Variants in ASCC1 observed in about 807,000 individuals in gnomAD.
ASCC1 encodes the protein activating signal cointegrator 1 complex subunit 1.
ASCC1 carries 35 observed loss-of-function variants against 46.6 expected under a neutral mutation model. The observed-to-expected ratio is 0.75, with a 90% CI of 0.57 to 0.99. ASCC1 has a LOEUF of 0.99. ASCC1 is among the 50% of genes least tolerant of loss of function. ASCC1 has a pLI of 0.00. For synonymous variants in ASCC1, 143 were observed against 146.6 expected (o/e 0.98, Z 0.18); for missense variants, 376 against 428.7 (o/e 0.88, Z 1.09).
intron 4 of ASCC1, among the ~76,000 whole-genome samples, chr10:72,201,607 G>A (rs964975893): frequency 2.0e-5 from 3 of 152,050 alleles, no homozygotes; most frequent in African/African-American, 7.2e-5. Context: ...TATTGCTTGA[G>A]CCCAGGAGTT....
At chr10:72,212,811 G>A (rs1393938304) in intron 2 of ASCC1, among the ~76,000 whole-genome samples, 1 of 151,980 alleles carries the variant, frequency 6.6e-6, no homozygotes, top group African/African-American at 2.4e-5. Flanking sequence ...TCACATTACT[G>A]CATTCCAGCC....
intron 9 of ASCC1, chr10:72,102,423 G>C (rs1399921591): frequency 6.5e-7 from 1 of 1,547,484 alleles, no homozygotes; most frequent in South Asian, 1.2e-5. Context: ...CTGTAGCACA[G>C]TTAAGTGGAA....
chr10:72,204,964 T>C (rs1473900128), intron 3 of ASCC1, among the ~76,000 whole-genome samples: 1 of 152,208 alleles, frequency 6.6e-6, no homozygotes, highest in African/African-American at 2.4e-5. Context: ...TTCAGCACCT[T>C]AGAAAGCAAA....
chr10:72,149,413 G>A (rs1848042274), intron 7 of ASCC1, among the ~76,000 whole-genome samples: 1 of 136,110 alleles, frequency 7.3e-6, no homozygotes, highest in Non-Finnish European at 1.5e-5. Flanking sequence ...ACTCCCGCCT[G>A]GGCGACAGAG....
At chr10:72,194,173 T>C (rs2133230617) in intron 5 of ASCC1, among the ~76,000 whole-genome samples, 1 of 152,078 alleles carries the variant, frequency 6.6e-6, no homozygotes, top group East Asian at 1.9e-4. Flanking sequence ...CATGAGCCCC[T>C]GCACCTGGCC....
rs373996027 is a variant in ASCC1 at position 72,146,720 on chromosome 10, ACT to A, written c.746+6147_746+6148del. Among the ~76,000 whole-genome samples, 1,335 of 152,228 alleles carry A rather than the reference ACT, an allele frequency of 8.8e-3. 15 individuals are homozygous for A. Among genetic ancestry groups the A allele is most frequent in the African/African-American group, 0.03 (1,266 of 41,528 alleles). ...AACCGAGGATGCATTAGTAAGTGTA[ACT>A]CTACTGTCCCAGCTCTCTGTTTCCA... On this transcript the variant is annotated intron_variant, in intron 7 of 9. Coordinates refer to ENST00000672957, the MANE Select transcript of ASCC1 (RefSeq NM_001198800.3).
intron 3 of ASCC1, among the ~76,000 whole-genome samples, chr10:72,208,035 A>C (rs1857468698): frequency 6.6e-6 from 1 of 151,870 alleles, no homozygotes; most frequent in Non-Finnish European, 1.5e-5. Context: ...CATGTTGCCC[A>C]AGCTGGGTGG....
intron 5 of ASCC1, among the ~76,000 whole-genome samples, chr10:72,171,697 G>A (rs965364616): frequency 5.9e-5 from 9 of 152,136 alleles, no homozygotes; most frequent in Non-Finnish European, 1.2e-4. Context: ...GATTACATGC[G>A]TGAGCCACCG....
chr10:72,204,409 T>G, intron 3 of ASCC1: 2 of 1,550,354 alleles, frequency 1.3e-6, no homozygotes, highest in Non-Finnish European at 1.7e-6. Flanking sequence ...ATTGACTCAT[T>G]TACATTACTT....
In ASCC1 at chr10:72,128,168, C is replaced by G. The variant is rs767094468; in HGVS notation, c.872-1G>C. On this transcript the variant is annotated splice_acceptor_variant, in intron 8 of 9. Coordinates refer to ENST00000672957, the MANE Select transcript of ASCC1 (RefSeq NM_001198800.3). LOFTEE classifies it high-confidence loss of function. ...GTGTAGAGATTGTACCTGCCTTCAG[C>G]TGTAAATATTCCAAAGATAATGTTA... The G allele has an allele frequency of 2.5e-6, 4 of 1,609,944 alleles. No individual in the cohort carries two copies. The highest frequency in any genetic ancestry group is 2.6e-6 in the Non-Finnish European group (3 of 1,176,382).
Position 72,196,897 on chromosome 10 carries a change from G to A in ASCC1, c.403C>T (p.His135Tyr). The change falls in exon 5 of 10, where the codon CAC (histidine) becomes TAC (tyrosine). Residue 135 changes from histidine (H) to tyrosine (Y), a missense_variant. By Grantham distance (83) the His-to-Tyr change is moderately conservative. Transcript: ENST00000672957. ...TCATTGAGGAAAAAGGCAAGGAAGT[G>A]AGTGAAGGGCTGCTTTCTTCGAAAA... ...DTFRRKQPFTHFLAFFLNEVE... is the reference protein window; with the variant it reads ...DTFRRKQPFTYFLAFFLNEVE... 1 of 1,613,604 alleles carries A rather than the reference G, an allele frequency of 6.2e-7. No individual in the cohort carries two copies.
At position 72,097,355 on chromosome 10, in the gene ASCC1, A is replaced by T; in HGVS notation, c.1053T>A (p.Cys351Ter). The T allele has an allele frequency of 6.2e-7, 1 of 1,612,788 alleles. No individual in the cohort carries two copies. Among genetic ancestry groups the T allele is most frequent in the Admixed American group, 1.7e-5 (1 of 60,024 alleles). Residue 351 changes from cysteine (C) to a stop codon, truncating the protein, a stop_gained, in exon 10 of 10, where the codon TGT becomes TGA. Transcript: ENST00000672957. LOFTEE classifies it high-confidence loss of function. ...CACCTCAGGAGAAGTCAATTTGTCCACAGGAAGCGTAGTTTCCAAAGCTGT... is the reference window on the plus strand; with the variant it reads ...CACCTCAGGAGAAGTCAATTTGTCCTCAGGAAGCGTAGTTTCCAAAGCTGT... ...TVDSFGNYAS[C>*]GQIDFS
intron 7 of ASCC1, among the ~76,000 whole-genome samples, chr10:72,144,719 T>TA (rs911078423): frequency 4.6e-5 from 7 of 151,926 alleles, no homozygotes; most frequent in South Asian, 2.1e-4. Flanking sequence ...CCCTTGAAAT[T>TA]AAAAAAAACA....
chr10:72,192,875 T>C (rs941138175), intron 5 of ASCC1, among the ~76,000 whole-genome samples: 1 of 152,030 alleles, frequency 6.6e-6, no homozygotes, highest in African/African-American at 2.4e-5. Context: ...AAAAAGCACA[T>C]GAAAAAATGT....
In ASCC1 at chr10:72,123,903, C is replaced by T. The variant is rs116175369; in HGVS notation, c.957+4179G>A. Among the ~76,000 whole-genome samples the T allele has an allele frequency of 9.3e-3, 1,423 of 152,198 alleles. 14 individuals are homozygous for T. The highest frequency in any genetic ancestry group is 0.033 in the African/African-American group (1,350 of 41,508). ...GACTATTTGTTAAACATTAAATGTA[C>T]GTCTCATGTACATATATAAATATAC... On this transcript the variant is annotated intron_variant, in intron 9 of 9. Coordinates refer to ENST00000672957, the MANE Select transcript of ASCC1 (RefSeq NM_001198800.3).
At chr10:72,187,952 CAAAAAAAA>C (rs894582833) in intron 5 of ASCC1, among the ~76,000 whole-genome samples, 6 of 147,856 alleles carry the variant, frequency 4.1e-5, no homozygotes, top group African/African-American at 1.0e-4. Flanking sequence ...GAGTCTGTCT[CAAAAAAAA>C]GAAAAAAAAA....
chr10:72,197,116 G>T (rs1855553315), intron 4 of ASCC1, 127 bp from the exon 5 acceptor site: 2 of 815,472 alleles, frequency 2.5e-6, no homozygotes, highest in Admixed American at 2.0e-5. Context: ...CTAAACAGGG[G>T]ACAATAACAA....
intron 9 of ASCC1, among the ~76,000 whole-genome samples, chr10:72,116,622 T>C (rs986746156): frequency 1.3e-5 from 2 of 152,246 alleles, no homozygotes; most frequent in African/African-American, 4.8e-5. Flanking sequence ...TTTCTTCTGA[T>C]CTAACTTCCA....
At chr10:72,102,904 G>C in intron 9 of ASCC1, 1 of 423,688 alleles carries the variant, frequency 2.4e-6, no homozygotes, top group South Asian at 1.7e-5. Flanking sequence ...GAACCCGGGA[G>C]GCACAGGTTG....
Sources: allele counts gnomAD v4.1 joint callset (sites outside exome capture counted in the v4.1 genomes callset), GRCh38; gene constraint gnomAD v4.1.1; transcripts MANE v1.5; gene names NCBI Gene and HGNC (gene_info 2026-07-23, HGNC 2026-07-21).